GPRC6A: variants seen among roughly 807,000 people sequenced by gnomAD.
GPRC6A encodes G protein-coupled receptor family C group 6 member A.
In GPRC6A, 54 loss-of-function variants were observed where a neutral mutation model predicts 47.0. That is an observed-to-expected ratio of 1.15 (90% CI 0.92 to 1.44). The LOEUF (loss-of-function observed/expected upper bound fraction) is 1.44. Ranked by LOEUF, GPRC6A falls within the 40% of genes most tolerant of loss-of-function variation. The pLI, the probability that GPRC6A is intolerant of heterozygous loss-of-function variation, is 0.00. For missense variants in GPRC6A, 1,112 were observed against 1,105.5 expected (o/e 1.01, Z -0.08); for synonymous variants, 347 against 377.1 (o/e 0.92, Z 0.93).
At chr6:116,804,389 ATT>A (rs1228536261) in intron 3 of GPRC6A, among the ~76,000 whole-genome samples, 1 of 152,106 alleles carries the variant, frequency 6.6e-6, no homozygotes, top group Non-Finnish European at 1.5e-5. Flanking sequence ...ATATTAGTGA[ATT>A]TTGCTAGGGT....
intron 1 of GPRC6A, among the ~76,000 whole-genome samples, chr6:116,820,062 C>A (rs1406549920): frequency 1.6e-5 from 2 of 126,656 alleles, no homozygotes; most frequent in African/African-American, 6.5e-5. Flanking sequence ...AAACTACCAT[C>A]AGAGAATACT....
intron 1 of GPRC6A, among the ~76,000 whole-genome samples, chr6:116,817,422 C>T (rs1334145938): frequency 3.4e-4 from 52 of 151,052 alleles, no homozygotes; most frequent in Middle Eastern, 3.4e-3. Flanking sequence ...GTAGATAAAA[C>T]CACAAAGATG....
At chr6:116,807,357 T>A in intron 2 of GPRC6A, 151 bp from the exon 3 acceptor site, 1 of 611,930 alleles carries the variant, frequency 1.6e-6, no homozygotes, top group Non-Finnish European at 2.9e-6. Flanking sequence ...TAGCCCCTGA[T>A]GATGGTTTAG....
intron 1 of GPRC6A, among the ~76,000 whole-genome samples, chr6:116,826,889 C>T (rs1302126933): frequency 2.0e-5 from 3 of 151,862 alleles, no homozygotes; most frequent in Non-Finnish European, 4.4e-5. Context: ...AAAATCATAT[C>T]ATTTGCAGCA....
At chr6:116,804,874 C>T (rs1374275778) in intron 3 of GPRC6A, among the ~76,000 whole-genome samples, 4 of 152,036 alleles carry the variant, frequency 2.6e-5, no homozygotes, top group African/African-American at 9.7e-5. Context: ...TGTCATCTGT[C>T]TCCACAACTG....
chr6:116,806,414 G>C lies in GPRC6A; in HGVS notation c.1291C>G (p.Gln431Glu), dbSNP rs1179956414. 1 of 1,613,098 alleles carries C rather than the reference G, an allele frequency of 6.2e-7. No individual in the cohort carries two copies. Among genetic ancestry groups the C allele is most frequent in the Non-Finnish European group, 8.5e-7 (1 of 1,179,528 alleles). ...TTGGGGTTCTGACAGTCACGAGCTT[G>C]ACACAGATCCCGAATGGCATAACCA... Reference protein sequence around the residue: ...ALGYAIRDLCQARDCQNPNAF... With the variant: ...ALGYAIRDLCEARDCQNPNAF... Residue 431 changes from glutamine (Q) to glutamate (E), a missense_variant, in exon 3 of 6, where the codon CAA becomes GAA. Physicochemically the swap from Gln to Glu is conservative, Grantham distance 29. Coordinates refer to ENST00000310357, the MANE Select transcript of GPRC6A (RefSeq NM_148963.4).
At chr6:116,804,252 G>C (rs1324483784) in intron 3 of GPRC6A, among the ~76,000 whole-genome samples, 1 of 152,080 alleles carries the variant, frequency 6.6e-6, no homozygotes, top group African/African-American at 2.4e-5. Flanking sequence ...CGACTGTGGT[G>C]TCCCTGAGTA....
intron 1 of GPRC6A, among the ~76,000 whole-genome samples, chr6:116,824,609 C>T (rs1478805040): frequency 6.6e-6 from 1 of 151,722 alleles, no homozygotes; most frequent in Non-Finnish European, 1.5e-5. Context: ...TAAAAAGCCC[C>T]CAATAAATAA....
intron 5 of GPRC6A, among the ~76,000 whole-genome samples, chr6:116,794,369 T>C (rs1394099289): frequency 6.6e-6 from 1 of 152,184 alleles, no homozygotes; most frequent in Non-Finnish European, 1.5e-5. Flanking sequence ...ATTCGTCCAG[T>C]GGACATTTAA....
chr6:116,805,610 A>G (rs565606932), intron 3 of GPRC6A, among the ~76,000 whole-genome samples: 1 of 137,452 alleles, frequency 7.3e-6, no homozygotes, highest in Non-Finnish European at 1.6e-5. Context: ...GTTCAAGGGC[A>G]TTTGAGAAAG....
At chr6:116,808,951 C>T (rs998020731) in intron 2 of GPRC6A, among the ~76,000 whole-genome samples, 7 of 152,164 alleles carry the variant, frequency 4.6e-5, no homozygotes, top group African/African-American at 9.7e-5. Context: ...AACATGCAAA[C>T]CGTCCCAGGG....
intron 1 of GPRC6A, among the ~76,000 whole-genome samples, chr6:116,815,984 C>T (rs1470643087): frequency 6.6e-6 from 1 of 152,176 alleles, no homozygotes; most frequent in South Asian, 2.1e-4. Context: ...GGTCTCAGGA[C>T]ATACACAATC....
chr6:116,801,574 A>G (rs1440869806), intron 3 of GPRC6A, among the ~76,000 whole-genome samples: 1 of 152,176 alleles, frequency 6.6e-6, no homozygotes, highest in Non-Finnish European at 1.5e-5. Flanking sequence ...TATAAAATCT[A>G]TAGAATAAGG....
intron 1 of GPRC6A, among the ~76,000 whole-genome samples, chr6:116,827,792 A>T (rs930203694): frequency 5.3e-5 from 8 of 151,960 alleles, no homozygotes; most frequent in Non-Finnish European, 1.0e-4. Flanking sequence ...AATGATTATG[A>T]TGACAATAGC....
chr6:116,806,630 T>C lies in GPRC6A; in HGVS notation c.1075A>G (p.Met359Val), dbSNP rs755336718. The change falls in exon 3 of 6, where the codon ATG becomes GTG. Residue 359 changes from methionine (M) to valine (V), a missense_variant. Coordinates refer to ENST00000310357, the MANE Select transcript of GPRC6A (RefSeq NM_148963.4). ...ACATATGCGCAGGCAGATAAATGCA[T>C]GGCATATTCATGTAAGAGTTTGTGA... ...DSHKLLHEYAMHLSACAYVKD... is the reference protein window; with the variant it reads ...DSHKLLHEYAVHLSACAYVKD... The C allele has an allele frequency of 5.0e-6, 8 of 1,613,408 alleles. No homozygotes were observed. The highest frequency in any genetic ancestry group is 6.8e-6 in the Non-Finnish European group (8 of 1,179,548).
At chr6:116,817,992 C>G (rs1421350652) in intron 1 of GPRC6A, among the ~76,000 whole-genome samples, 14 of 152,056 alleles carry the variant, frequency 9.2e-5, no homozygotes, top group Non-Finnish European at 2.9e-5. Context: ...CCCAATCTAG[C>G]AAGGCAGGCC....
chr6:116,817,029 CCCA>C (rs1773242673), intron 1 of GPRC6A, among the ~76,000 whole-genome samples: 1 of 152,212 alleles, frequency 6.6e-6, no homozygotes, highest in Non-Finnish European at 1.5e-5. Context: ...CTGGGTGGAG[CCCA>C]CCACAGCTCA....
At chr6:116,814,863 CTG>C (rs1184288122) in intron 1 of GPRC6A, among the ~76,000 whole-genome samples, 1 of 151,820 alleles carries the variant, frequency 6.6e-6, no homozygotes, top group Admixed American at 6.6e-5. Context: ...CACATATAGA[CTG>C]AAAGTAAAGG....
At chr6:116,814,061 C>G (rs546065196) in intron 1 of GPRC6A, among the ~76,000 whole-genome samples, 1 of 152,270 alleles carries the variant, frequency 6.6e-6, no homozygotes, top group South Asian at 2.1e-4. Flanking sequence ...GAGATACCAT[C>G]TCACACCAGC....
Sources: gnomAD v4.1 joint callset for allele counts (sites outside exome capture counted in the v4.1 genomes callset) on GRCh38, gnomAD v4.1.1 for gene constraint, MANE v1.5 for transcripts, NCBI Gene and HGNC (gene_info 2026-07-23, HGNC 2026-07-21) for gene names.